FAT4: variants seen among roughly 807,000 people sequenced by gnomAD.
FAT4 encodes FAT atypical cadherin 4.
FAT4 carries 84 observed loss-of-function variants against 303.9 expected under a neutral mutation model. That is an observed-to-expected ratio of 0.28 (90% CI 0.23 to 0.33). The LOEUF (loss-of-function observed/expected upper bound fraction) is 0.33, where lower values mean the gene tolerates loss of function less well. FAT4 is among the 10% of genes least tolerant of loss of function. The pLI is 1.00. For missense variants in FAT4, 6,005 were observed against 6,146.8 expected (o/e 0.98, Z 0.77); for synonymous variants, 2,307 against 2,298.8 (o/e 1.00, Z -0.10).
chr4:125,437,547 T>G lies in FAT4; in HGVS notation c.7199+3122T>G, dbSNP rs531125801. 4.6e-5 allele frequency among the ~76,000 whole-genome samples: 7 copies of G among 152,276 alleles called. No individual in the cohort carries two copies. The South Asian group carries it at 1.4e-3, about 32-fold the overall frequency. On this transcript the variant is annotated intron_variant, in intron 8 of 17. Coordinates refer to ENST00000394329, the MANE Select transcript of FAT4 (RefSeq NM_001291303.3). ...CCTGTAAAGTCAAATCATAGAGGAC[T>G]GAGAAATTTCTGTCCAGGGTCATAA...
In FAT4 at chr4:125,316,946, G is replaced by A. The variant is rs748505773; in HGVS notation, c.535G>A (p.Gly179Ser). 9.9e-6 allele frequency: 16 copies of A among 1,613,952 alleles called. No homozygotes were observed. The highest frequency in any genetic ancestry group is 1.3e-5 in the Non-Finnish European group (15 of 1,180,038). Reference protein sequence around the residue: ...VDHRSYRIIRGNEAGRFRLDI... With the variant: ...VDHRSYRIIRSNEAGRFRLDI... ...CCACCGCTCCTACCGCATCATCCGC[G>A]GCAATGAGGCGGGGCGCTTCCGTCT... The change falls in exon 2 of 18, where the codon GGC becomes AGC. Residue 179 changes from glycine (G) to serine (S), a missense_variant. Gly to Ser is a moderately conservative substitution (Grantham distance 56). Coordinates refer to ENST00000394329, the MANE Select transcript of FAT4 (RefSeq NM_001291303.3). This position sits in a 1 kb window ranked among gnomAD's most constrained non-coding sequence, Gnocchi z 5.7.
At chr4:125,431,155 A>G (rs1430621269) in intron 7 of FAT4, among the ~76,000 whole-genome samples, 1 of 152,232 alleles carries the variant, frequency 6.6e-6, no homozygotes, top group Non-Finnish European at 1.5e-5. Flanking sequence ...CCATATGTGT[A>G]TCACCAGACA....
chr4:125,321,642 C>T, intron 2 of FAT4, 56 bp downstream of exon 2: 1 of 1,476,162 alleles, frequency 6.8e-7, no homozygotes, highest in Non-Finnish European at 9.1e-7. Context: ...AAAAATCATT[C>T]TCTTTATATT....
intron 8 of FAT4, 178 bp from the exon 9 acceptor site, chr4:125,446,115 T>G: frequency 3.7e-6 from 2 of 542,480 alleles, no homozygotes; most frequent in Non-Finnish European, 6.4e-6. Context: ...GTCAATGTGA[T>G]GTTCACAGAA....
intron 2 of FAT4, among the ~76,000 whole-genome samples, chr4:125,376,751 T>A (rs949906657): frequency 6.6e-6 from 1 of 151,602 alleles, no homozygotes; most frequent in Admixed American, 6.6e-5. Context: ...AATACAAAAT[T>A]AGTGGGGCGT....
chr4:125,452,505 G>C lies in FAT4; in HGVS notation c.11495G>C (p.Arg3832Pro). The C allele has an allele frequency of 6.2e-7, 1 of 1,614,026 alleles. No homozygotes were observed. The highest frequency in any genetic ancestry group is 8.5e-7 in the Non-Finnish European group (1 of 1,180,028). Residue 3832 changes from arginine to proline, a missense_variant, in exon 10 of 18, where the codon CGT becomes CCT. Arg to Pro is a moderately radical substitution (Grantham distance 103, BLOSUM62 -2). Coordinates refer to ENST00000394329, the MANE Select transcript of FAT4 (RefSeq NM_001291303.3). ...RLAVSSVLKS[R>P]ESLPVIIVAN... ...GCTGTGAGCTCCGTATTAAAAAGCC[G>C]TGAGAGTCTTCCAGTCATCATCGTG... is the stretch of plus-strand genomic sequence containing the variant.
chr4:125,434,702 T>A (rs923673243), intron 8 of FAT4, among the ~76,000 whole-genome samples: 1 of 152,182 alleles, frequency 6.6e-6, no homozygotes, highest in Non-Finnish European at 1.5e-5. Context: ...TTCTGTCTCA[T>A]GAGGTTGACT....
rs762694598 is a variant in FAT4 at position 125,446,326 on chromosome 4, G to T, written c.7233G>T (p.Thr2411=). 7 of 1,612,858 alleles carry T rather than the reference G, an allele frequency of 4.3e-6. No homozygotes were observed. In the East Asian group the frequency reaches 1.6e-4, roughly 36 times the overall value. The change falls in exon 9 of 18, where the codon ACG becomes ACT. Residue 2411 remains threonine, a synonymous_variant. Transcript: ENST00000394329. ...TCATCGGTGGAAACTCTCAGTTCAC[G>T]ATCAACCCATCGACAGGACAAATCA... ...YRIIGGNSQF[T]INPSTGQIIT...
intron 2 of FAT4, among the ~76,000 whole-genome samples, chr4:125,323,457 A>G (rs1731033450): frequency 6.6e-6 from 1 of 152,188 alleles, no homozygotes; most frequent in African/African-American, 2.4e-5. Flanking sequence ...AAAAGTTATC[A>G]TATATACTAT....
At position 125,487,345 on chromosome 4, in the gene FAT4, A is replaced by T. The variant is rs1238537830; in HGVS notation, c.12823A>T (p.Ile4275Phe). The T allele has an allele frequency of 1.2e-6, 2 of 1,610,098 alleles. No homozygotes were observed. Among genetic ancestry groups the T allele is most frequent in the Non-Finnish European group, 1.7e-6 (2 of 1,177,064 alleles). Reference protein sequence around the residue: ...QESSNYTTVKIKNGKVYFTSD... With the variant: ...QESSNYTTVKFKNGKVYFTSD... ...ATACTATTTTTAATATGTTTTACAG[A>T]TTAAGAATGGCAAAGTATATTTTAC... The change falls in exon 17 of 18, where the codon ATT becomes TTT. Residue 4275 changes from isoleucine (I) to phenylalanine (F), a missense_variant and splice_region_variant. By Grantham distance (21) the Ile-to-Phe change is conservative (BLOSUM62 0). Transcript: ENST00000394329.
rs143740948 is a variant in FAT4 at position 125,477,340 on chromosome 4, G to A, written c.12479+6G>A. 3 of 1,546,880 alleles carry A rather than the reference G, an allele frequency of 1.9e-6. No homozygotes were observed. The African/African-American group carries it at 4.3e-5, about 22-fold the overall frequency. On this transcript the variant is annotated splice_donor_region_variant and intron_variant, in intron 14 of 17. Coordinates refer to ENST00000394329, the MANE Select transcript of FAT4 (RefSeq NM_001291303.3). ...GCACAAGGCATCCTAGATCAGTATG[G>A]CGATTTTATTTCTTACTGTTTTAAA...
chr4:125,385,648 C>T lies in FAT4; in HGVS notation c.5176-13136C>T, dbSNP rs748319638. Among the ~76,000 whole-genome samples, 14 of 151,830 alleles carry T rather than the reference C, an allele frequency of 9.2e-5. No individual in the cohort carries two copies. In the East Asian group the frequency reaches 1.6e-3, roughly 17 times the overall value. On this transcript the variant is annotated intron_variant, in intron 2 of 17. Coordinates refer to ENST00000394329, the MANE Select transcript of FAT4 (RefSeq NM_001291303.3). Reference sequence around the variant, plus strand: ...GAGTAGTAGAAAAAAATCATCAAACCGTATTATTTCATGGAGATGGTTAGT... The same window carrying T: ...GAGTAGTAGAAAAAAATCATCAAACTGTATTATTTCATGGAGATGGTTAGT...
At chr4:125,443,858 A>G (rs1001677729) in intron 8 of FAT4, among the ~76,000 whole-genome samples, 1 of 152,158 alleles carries the variant, frequency 6.6e-6, no homozygotes, top group African/African-American at 2.4e-5. Flanking sequence ...AAATCTAGAC[A>G]TATTATCTTA....
chr4:125,439,194 C>G (rs1447543830), intron 8 of FAT4, among the ~76,000 whole-genome samples: 1 of 152,118 alleles, frequency 6.6e-6, no homozygotes, highest in Non-Finnish European at 1.5e-5. Context: ...CAGAGCTTAG[C>G]TTTTACAGAT....
chr4:125,412,272 T>G (rs1355134114), intron 5 of FAT4, among the ~76,000 whole-genome samples: 4 of 151,870 alleles, frequency 2.6e-5, no homozygotes, highest in South Asian at 2.1e-4. Flanking sequence ...AATGAAAAGT[T>G]ATTTTCTTTA....
rs1317591154 is a variant in FAT4 at position 125,449,539 on chromosome 4, C to T, written c.8529C>T (p.Tyr2843=). ...RPLNREDTDR[Y]RIRVSAHDSG... is the part of the protein sequence containing the mutation. ...TAAATAGGGAAGATACAGACCGTTA[C>T]AGAATTCGAGTTTCCGCACATGATT... Residue 2843 remains tyrosine, a synonymous_variant, in exon 10 of 18, where the codon TAC becomes TAT. Transcript: ENST00000394329. 2 of 1,613,464 alleles carry T rather than the reference C, an allele frequency of 1.2e-6. No individual in the cohort carries two copies. The highest frequency in any genetic ancestry group is 1.7e-6 in the Non-Finnish European group (2 of 1,179,672).
chr4:125,418,166 G>A (rs1052624687), intron 7 of FAT4, among the ~76,000 whole-genome samples: 1 of 152,082 alleles, frequency 6.6e-6, no homozygotes, highest in African/African-American at 2.4e-5. Context: ...CAGATGCAAT[G>A]TTTTTCTCAA....
rs373502916 is a variant in FAT4, at chr4:125,490,410, A to G, written c.13594A>G (p.Arg4532Gly). Reference sequence around the variant, plus strand: ...TAGCCTGATCCTGTGTAACCAGTGCAGGGGGAAGAAGGCCAAAAATCCCAA... The same window carrying G: ...TAGCCTGATCCTGTGTAACCAGTGCGGGGGGAAGAAGGCCAAAAATCCCAA... ...VLSLILCNQC[R>G]GKKAKNPKEE... The change falls in exon 18 of 18, where the codon AGG becomes GGG. Residue 4532 changes from arginine to glycine, a missense_variant. Coordinates refer to ENST00000394329, the MANE Select transcript of FAT4 (RefSeq NM_001291303.3). 1.4e-5 allele frequency: 23 copies of G among 1,614,084 alleles called. No individual in the cohort carries two copies. The highest frequency in any genetic ancestry group is 1.9e-5 in the Non-Finnish European group (23 of 1,180,016).
At chr4:125,456,340 A>T (rs185771683) in intron 10 of FAT4, among the ~76,000 whole-genome samples, 9 of 152,184 alleles carry the variant, frequency 5.9e-5, no homozygotes, top group Non-Finnish European at 1.0e-4. Flanking sequence ...GAAGTTATAC[A>T]TTAACGTTAC....
Sources: gnomAD v4.1 joint callset for allele counts (sites outside exome capture counted in the v4.1 genomes callset) on GRCh38, gnomAD v4.1.1 for gene constraint, Gnocchi (gnomAD v3.1) non-coding constraint, MANE v1.5 for transcripts, NCBI Gene and HGNC (gene_info 2026-07-23, HGNC 2026-07-21) for gene names.